CHD3: variants seen among roughly 807,000 people sequenced by gnomAD.
The protein encoded by CHD3 is ATP-dependent chromatin remodeler CHD3.
Under a neutral mutation model 248.9 loss-of-function variants are expected in CHD3, and 52 were observed. The ratio of observed to expected loss-of-function variants is 0.21; its 90% CI spans 0.17 to 0.26. The LOEUF is 0.26. Among genes scored for constraint, CHD3 ranks in the 10% least tolerant of loss-of-function variants. The pLI, the probability that CHD3 is intolerant of heterozygous loss-of-function variation, is 1.00. For missense variants in CHD3, 1,482 were observed against 2,605.8 expected, an observed-to-expected ratio of 0.57 and a Z score of 9.39; for synonymous variants, 985 against 985.2, an observed-to-expected ratio of 1.00 and a Z score of 0.00.
At position 7,906,067 on chromosome 17, in the gene CHD3, A is replaced by G; in HGVS notation, c.4358+78A>G. 1.9e-6 allele frequency: 3 copies of G among 1,579,638 alleles called. No individual in the cohort carries two copies. Among genetic ancestry groups the G allele is most frequent in the East Asian group, 2.2e-5 (1 of 44,696 alleles). ...TGTTCCTTTCTTCCTTGGGGCCGCC[A>G]TATGATGTGACCTTACTCAACTGAT... is the stretch of plus-strand genomic sequence containing the variant. On this transcript the variant is annotated intron_variant, in intron 28 of 39. Transcript: ENST00000330494. The surrounding 1 kb of genome is among the most constrained non-coding windows in gnomAD (Gnocchi z 5.0).
At position 7,911,808 on chromosome 17, in the gene CHD3, GAGA is replaced by G. The variant is rs1413942294; in HGVS notation, c.*229_*231del. On this transcript the variant is annotated 3_prime_UTR_variant, in exon 40 of 40. Coordinates refer to ENST00000330494, the MANE Select transcript of CHD3 (RefSeq NM_001005273.3). The surrounding 1 kb of genome is among the most constrained non-coding windows in gnomAD (Gnocchi z 5.4). ...ACCAAGCCTTGAAGACTGTGCTGGTGAGAAGAAGTCTGGGTGGGAGATGGCTGG... is the reference window on the plus strand; with the variant it reads ...ACCAAGCCTTGAAGACTGTGCTGGTGAGAAGTCTGGGTGGGAGATGGCTGG... 29 of 1,397,106 alleles carry G rather than the reference GAGA, an allele frequency of 2.1e-5. 1 individual carries two copies. The highest frequency in any genetic ancestry group is 5.8e-5 in the African/African-American group (4 of 68,560). 86.5% of individuals were successfully genotyped at this position (1,397,106 alleles called of 1,614,324 possible). A position where few individuals can be genotyped will look rare whatever the true frequency, so the allele number is the denominator to read the frequency against.
intron 2 of CHD3, 55 bp from the exon 3 acceptor site, chr17:7,890,516 C>T: frequency 1.6e-6 from 2 of 1,253,020 alleles, no homozygotes; most frequent in South Asian, 1.5e-5. Flanking sequence ...GTGCTGAGAA[C>T]AGTTTCTGGC....
At position 7,908,899 on chromosome 17, in the gene CHD3, G is replaced by A; in HGVS notation, c.5394+70G>A. The A allele has an allele frequency of 3.8e-6, 6 of 1,597,276 alleles. No individual in the cohort carries two copies. Among genetic ancestry groups the A allele is most frequent in the South Asian group, 1.1e-5 (1 of 89,534 alleles). On this transcript the variant is annotated intron_variant, in intron 36 of 39. Coordinates refer to ENST00000330494, the MANE Select transcript of CHD3 (RefSeq NM_001005273.3). The surrounding 1 kb of genome is among the most constrained non-coding windows in gnomAD (Gnocchi z 5.8). ...TCAGAAGTGAGACCAGATCTAGTTG[G>A]AACCTAGGGAAGGTTAACACCTTCA... is the stretch of plus-strand genomic sequence containing the variant.
In CHD3 at chr17:7,904,730, C is replaced by T; in HGVS notation, c.4072+111C>T. The T allele has an allele frequency of 9.7e-7, 1 of 1,034,880 alleles. No individual in the cohort carries two copies. Among genetic ancestry groups the T allele is most frequent in the East Asian group, 2.6e-5 (1 of 38,254 alleles). 64.1% of individuals were successfully genotyped at this position (1,034,880 alleles called of 1,614,324 possible). On this transcript the variant is annotated intron_variant, in intron 25 of 39. Transcript: ENST00000330494. This position sits in a 1 kb window ranked among gnomAD's most constrained non-coding sequence, Gnocchi z 4.4. The stretch of plus-strand genomic sequence containing the variant: ...AGAGAAGCCTAGAAGTCAGAGCCTT[C>T]CTCTGCTAAAAGGGAAAGACATAAG...
intron 7 of CHD3, 50 bp downstream of exon 7, chr17:7,894,315 T>G: frequency 1.3e-6 from 2 of 1,596,114 alleles, no homozygotes; most frequent in Non-Finnish European, 1.7e-6. Flanking sequence ...GTCCTCTCAT[T>G]CTTATTTTCA....
chr17:7,898,012 G>A lies in CHD3; in HGVS notation c.1961G>A (p.Arg654Lys). 6.2e-7 allele frequency: 1 copy of A among 1,614,036 alleles called. No homozygotes were observed. Among genetic ancestry groups the A allele is most frequent in the Non-Finnish European group, 8.5e-7 (1 of 1,179,918 alleles). ...KGNYHYLVKW[R>K]DLPYDQSTWE... ...AATTACCACTATCTAGTAAAATGGAGGGACTTACCATATGACCAGTCCACG... is the reference window on the plus strand; with the variant it reads ...AATTACCACTATCTAGTAAAATGGAAGGACTTACCATATGACCAGTCCACG... The change falls in exon 12 of 40, where the codon AGG (arginine) becomes AAG (lysine). Residue 654 changes from arginine (R) to lysine (K), a missense_variant. Coordinates refer to ENST00000330494, the MANE Select transcript of CHD3 (RefSeq NM_001005273.3).
Position 7,890,967 on chromosome 17 carries a change from C to T in CHD3, c.412C>T (p.Leu138=), listed in dbSNP as rs1968767471. ...AGTGGAACAGAAGTCATCAGCAACTCTGCTTCTGACCTGGGGCCTGGAGGA... is the reference window on the plus strand; with the variant it reads ...AGTGGAACAGAAGTCATCAGCAACTTTGCTTCTGACCTGGGGCCTGGAGGA... The part of the protein sequence containing the change: ...KQVEQKSSAT[L]LLTWGLEDVE... Residue 138 remains leucine, a synonymous_variant, in exon 4 of 40, where the codon CTG becomes TTG. Coordinates refer to ENST00000330494, the MANE Select transcript of CHD3 (RefSeq NM_001005273.3). 2 of 1,614,032 alleles carry T rather than the reference C, an allele frequency of 1.2e-6. No individual in the cohort carries two copies. Among genetic ancestry groups the T allele is most frequent in the Admixed American group, 3.3e-5 (2 of 59,998 alleles).
chr17:7,899,742 GCAGAGGTTTAGGAGC>G lies in CHD3; in HGVS notation c.2545-151_2545-137del, dbSNP rs1970092116. 6.6e-6 allele frequency among the ~76,000 whole-genome samples: 1 copy of G among 152,196 alleles called. No individual in the cohort carries two copies. The highest frequency in any genetic ancestry group is 2.4e-5 in the African/African-American group (1 of 41,446). ...GGATCTGTCGGTACTGGAAATGTGG[GCAGAGGTTTAGGAGC>G]CATGGTCTGTAATCCCTGCTTGGAG... On this transcript the variant is annotated intron_variant, in intron 15 of 39. Coordinates refer to ENST00000330494, the MANE Select transcript of CHD3 (RefSeq NM_001005273.3). The surrounding 1 kb of genome is among the most constrained non-coding windows in gnomAD (Gnocchi z 6.8).
In CHD3 at chr17:7,907,484, G is replaced by A. The variant is rs553139119; in HGVS notation, c.4920G>A (p.Lys1640=). The A allele has an allele frequency of 1.2e-5, 19 of 1,589,608 alleles. No homozygotes were observed. The South Asian group carries it at 2.2e-4, about 18-fold the overall frequency. The change falls in exon 32 of 40, where the codon AAG becomes AAA. Residue 1640 remains lysine (K), a synonymous_variant. Transcript: ENST00000330494. The surrounding 1 kb of genome is among the most constrained non-coding windows in gnomAD (Gnocchi z 4.3). The stretch of plus-strand genomic sequence containing the variant: ...CTGGGTACCGTGGGGACAGAGAGAA[G>A]TCAGGTGGGTGCATGGCCTTAGGAG... The part of the protein sequence containing the change: ...PEPGYRGDRE[K]SATESTPGER...
In CHD3 at chr17:7,910,400, C is replaced by T. The variant is rs1598013373; in HGVS notation, c.5591-28C>T. On this transcript the variant is annotated intron_variant, in intron 37 of 39. Transcript: ENST00000330494. The surrounding 1 kb of genome is among the most constrained non-coding windows in gnomAD (Gnocchi z 4.7). ...CTGTATTTCCCTGTCTTTCTCTTGCCCTTCTTTCTCTGTGGCCCGGGCCCC... is the reference window on the plus strand; with the variant it reads ...CTGTATTTCCCTGTCTTTCTCTTGCTCTTCTTTCTCTGTGGCCCGGGCCCC... 2.5e-6 allele frequency: 4 copies of T among 1,613,998 alleles called. No individual in the cohort carries two copies. Among genetic ancestry groups the T allele is most frequent in the East Asian group, 2.2e-5 (1 of 44,878 alleles).
rs1338862595 is a variant in CHD3, at chr17:7,888,899, G to C, written c.-102G>C. On this transcript the variant is annotated 5_prime_UTR_variant, in exon 1 of 40. The change abolishes the stop of an existing upstream ORF in the 5' untranslated region. Coordinates refer to ENST00000330494, the MANE Select transcript of CHD3 (RefSeq NM_001005273.3). ...GGGAAACAAAGGGTATGGCCCCCTAGTTCCCAAAGGGAGCAGGGAGATGGG... is the reference window on the plus strand; with the variant it reads ...GGGAAACAAAGGGTATGGCCCCCTACTTCCCAAAGGGAGCAGGGAGATGGG... 3.8e-6 allele frequency: 6 copies of C among 1,564,342 alleles called. No individual in the cohort carries two copies. In the East Asian group the frequency reaches 1.3e-4, roughly 35 times the overall value.
At chr17:7,884,918 G>A, upstream of CHD3, 2 of 1,418,776 alleles carry the variant, frequency 1.4e-6, no homozygotes, top group Non-Finnish European at 1.9e-6. Context: ...GGAGGTGGAG[G>A]CGGCCGACGA....
rs1350388756 is a variant in CHD3, at chr17:7,900,795, A to G, written c.2979-57A>G. 1.2e-6 allele frequency: 2 copies of G among 1,610,642 alleles called. No homozygotes were observed. Among genetic ancestry groups the G allele is most frequent in the Non-Finnish European group, 1.7e-6 (2 of 1,177,436 alleles). ...GATTGATGGGAGCGTTCCAAGTGCA[A>G]TATCATAATTGCTTCCTTTATTTAT... On this transcript the variant is annotated intron_variant, in intron 18 of 39. Transcript: ENST00000330494. This position sits in a 1 kb window ranked among gnomAD's most constrained non-coding sequence, Gnocchi z 6.5.
In CHD3 at chr17:7,905,101, C is replaced by G. The variant is rs1221570088; in HGVS notation, c.4074C>G (p.Asp1358Glu). 6.2e-7 allele frequency: 1 copy of G among 1,614,012 alleles called. No individual in the cohort carries two copies. The highest frequency in any genetic ancestry group is 8.5e-7 in the Non-Finnish European group (1 of 1,179,978). Residue 1358 changes from aspartate (D) to glutamate (E), a missense_variant and splice_region_variant, in exon 26 of 40, where the codon GAC becomes GAG. Physicochemically the swap from Asp to Glu is conservative, Grantham distance 45. Transcript: ENST00000330494. This position sits in a 1 kb window ranked among gnomAD's most constrained non-coding sequence, Gnocchi z 5.8. ...NYNDAAQEDQDNQSEYSVGSE... is the reference protein window; with the variant it reads ...NYNDAAQEDQENQSEYSVGSE... ...ACTGGGCCCTTTCCACCCCCACAGA[C>G]AACCAGTCAGAGTACTCGGTGGGTT... is the stretch of plus-strand genomic sequence containing the variant.
rs1218606381 is a variant in CHD3, at chr17:7,912,577, C to T, written c.*992C>T. The T allele has an allele frequency of 6.6e-6, 1 of 152,068 alleles. No individual in the cohort carries two copies. Among genetic ancestry groups the T allele is most frequent in the East Asian group, 1.9e-4 (1 of 5,172 alleles). 9.4% of individuals were successfully genotyped at this position (152,068 alleles called of 1,614,324 possible). A position where few individuals can be genotyped will look rare whatever the true frequency, so the allele number is the denominator to read the frequency against. Reference sequence around the variant, plus strand: ...GGGAAATGTGGGCACATCCCCCCTCCCAGGAGGGGCCGGGGAGAGTGGCAG... The same window carrying T: ...GGGAAATGTGGGCACATCCCCCCTCTCAGGAGGGGCCGGGGAGAGTGGCAG... On this transcript the variant is annotated 3_prime_UTR_variant, in exon 40 of 40. Transcript: ENST00000330494.
chr17:7,885,110 C>T (rs1018360899), upstream of CHD3: 2 of 983,326 alleles, frequency 2.0e-6, no homozygotes, highest in Middle Eastern at 5.2e-4. Flanking sequence ...ACTCCCCCCC[C>T]AAGCCCGAGT....
chr17:7,890,752 T>C lies in CHD3; in HGVS notation c.384+11T>C. 8.2e-6 allele frequency: 13 copies of C among 1,586,680 alleles called. No homozygotes were observed. Among genetic ancestry groups the C allele is most frequent in the Non-Finnish European group, 1.1e-5 (13 of 1,169,374 alleles). ...GATGGGGGGCAAAAGGTGAGTAGAA[T>C]TAGGGAATGAGAGTGAGAAATCTGC... On this transcript the variant is annotated intron_variant, in intron 3 of 39. Coordinates refer to ENST00000330494, the MANE Select transcript of CHD3 (RefSeq NM_001005273.3).
chr17:7,893,498 C>T lies in CHD3; in HGVS notation c.722C>T (p.Ala241Val). Reference sequence around the variant, plus strand: ...CCCATAGCACCCTCCGGACCCCCCGCCCTTCCACCACCCCCTGCTGCTGAT... The same window carrying T: ...CCCATAGCACCCTCCGGACCCCCCGTCCTTCCACCACCCCCTGCTGCTGAT... ...ATPIAPSGPP[A>V]LPPPPAADIQ... is the part of the protein sequence containing the mutation. Residue 241 changes from alanine to valine, a missense_variant, in exon 5 of 40, where the codon GCC becomes GTC. Transcript: ENST00000330494. 6.4e-7 allele frequency: 1 copy of T among 1,570,382 alleles called. No homozygotes were observed. Among genetic ancestry groups the T allele is most frequent in the Non-Finnish European group, 8.7e-7 (1 of 1,143,546 alleles).
chr17:7,899,154 A>G lies in CHD3; in HGVS notation c.2295A>G (p.Leu765=), dbSNP rs61746790. The G allele has an allele frequency of 2.2e-3, 3,480 of 1,614,146 alleles. 63 individuals are homozygous for G. In the African/African-American group the frequency reaches 0.041, roughly 19 times the overall value. ...TDTILADEMG[L]GKTIQTIVFL... Reference sequence around the variant, plus strand: ...CCATTCTAGCTGATGAGATGGGGCTAGGCAAGACCATACAAACCATCGTCT... The same window carrying G: ...CCATTCTAGCTGATGAGATGGGGCTGGGCAAGACCATACAAACCATCGTCT... Residue 765 remains leucine, a synonymous_variant, in exon 14 of 40, where the codon CTA becomes CTG. Coordinates refer to ENST00000330494, the MANE Select transcript of CHD3 (RefSeq NM_001005273.3). The surrounding 1 kb of genome is among the most constrained non-coding windows in gnomAD (Gnocchi z 6.8).
Sources: allele counts gnomAD v4.1 joint callset (sites outside exome capture counted in the v4.1 genomes callset), GRCh38; gene constraint gnomAD v4.1.1; non-coding constraint Gnocchi (gnomAD v3.1); transcripts MANE v1.5; gene names NCBI Gene and HGNC (gene_info 2026-07-23, HGNC 2026-07-21).